Variants in TCAF1 observed in about 807,000 individuals in gnomAD.
TCAF1 encodes TRPM8 channel associated factor 1.
Under a neutral mutation model 27.3 loss-of-function variants are expected in TCAF1, and 4 were observed. The observed-to-expected ratio is 0.15, with a 90% CI of 0.07 to 0.34. The LOEUF (loss-of-function observed/expected upper bound fraction) is 0.34. Ranked by LOEUF, TCAF1 falls within the 10% of genes least tolerant of loss-of-function variation. The probability of loss-of-function intolerance (pLI) is 1.00; values close to 1 mark genes in which losing one functional copy is unlikely to be tolerated. For synonymous variants in TCAF1, 105 were observed against 167.1 expected, an observed-to-expected ratio of 0.63 and a Z score of 2.87; for missense variants, 257 against 425.8, an observed-to-expected ratio of 0.60 and a Z score of 3.49.
At chr7:143,859,798 T>C (rs1417314053) in intron 6 of TCAF1, among the ~76,000 whole-genome samples, 1 of 149,490 alleles carries the variant, frequency 6.7e-6, no homozygotes, top group East Asian at 2.0e-4. Context: ...CCCTGATGAA[T>C]ACCTGTGAAA....
intron 1 of TCAF1, among the ~76,000 whole-genome samples, chr7:143,891,860 C>T (rs2116853126): frequency 6.6e-6 from 1 of 152,148 alleles, no homozygotes; most frequent in South Asian, 2.1e-4. Flanking sequence ...TAGAGAAAAT[C>T]TGAAAAGCAG....
At position 143,901,709 on chromosome 7, in the gene TCAF1, C is replaced by CA; in HGVS notation, c.-15+251dup. ...CAGATCTTAATGGCTCCTTGCGGAG[C>CA]AAAAAACAAATCCTACGAAAATAGG... On this transcript the variant is annotated intron_variant, in intron 1 of 8. Transcript: ENST00000479870. Among the ~76,000 whole-genome samples, 6 of 152,258 alleles carry CA rather than the reference C, an allele frequency of 3.9e-5. 1 individual carries two copies. In the East Asian group the frequency reaches 9.7e-4, roughly 25 times the overall value.
chr7:143,898,755 A>G (rs1005431162), intron 1 of TCAF1, among the ~76,000 whole-genome samples: 2 of 152,242 alleles, frequency 1.3e-5, no homozygotes, highest in African/African-American at 4.8e-5. Context: ...AAAATAATTT[A>G]TAGAGTGCAA....
At position 143,859,878 on chromosome 7, in the gene TCAF1, TAC is replaced by T. The variant is rs1563210756; in HGVS notation, c.2167+328_2167+329del. Among the ~76,000 whole-genome samples, 175 of 32,624 alleles carry T rather than the reference TAC, an allele frequency of 5.4e-3. 4 individuals carry two copies. Among genetic ancestry groups the T allele is most frequent in the South Asian group, 0.016 (10 of 628 alleles). 21.4% of individuals were successfully genotyped at this position (32,624 alleles called of 152,430 possible). On this transcript the variant is annotated intron_variant, in intron 6 of 8. Coordinates refer to ENST00000479870, the MANE Select transcript of TCAF1 (RefSeq NM_014719.3). ...TGTTTTATATACACATATACATATA[TAC>T]ATATATATAATATATATTATATAAT...
intron 2 of TCAF1, among the ~76,000 whole-genome samples, chr7:143,867,849 G>A (rs1812252389): frequency 1.3e-5 from 1 of 78,138 alleles, no homozygotes; most frequent in African/African-American, 4.4e-5. Context: ...TTTTCCATAA[G>A]GGTATCCAGT....
Position 143,876,484 on chromosome 7 carries a change from T to C in TCAF1, c.125A>G (p.Asn42Ser). The change falls in exon 2 of 9, where the codon AAT (asparagine) becomes AGT (serine). Residue 42 changes from asparagine to serine, a missense_variant. By Grantham distance (46) the Asn-to-Ser change is conservative. This residue lies in a region of TCAF1 where 255 missense variants were observed against 260.1 expected (regional missense o/e 0.98). Coordinates refer to ENST00000479870, the MANE Select transcript of TCAF1 (RefSeq NM_014719.3). ...IGEASFPVMV[N>S]DMGQVLIAAS... ...AGCAATGAGGACCTGGCCCATGTCATTCACCATCACAGGAAATGAAGCCTC... is the reference window on the plus strand; with the variant it reads ...AGCAATGAGGACCTGGCCCATGTCACTCACCATCACAGGAAATGAAGCCTC... The C allele has an allele frequency of 6.3e-7, 1 of 1,595,970 alleles. No homozygotes were observed. Among genetic ancestry groups the C allele is most frequent in the Non-Finnish European group, 8.5e-7 (1 of 1,172,910 alleles).
At chr7:143,882,660 C>A (rs922683330) in intron 1 of TCAF1, 3 of 985,138 alleles carry the variant, frequency 3.0e-6, no homozygotes, top group Non-Finnish European at 3.6e-6. Flanking sequence ...TGCCCTCCCC[C>A]CCGCAGCACC....
chr7:143,885,184 C>T, intron 1 of TCAF1: 1 of 985,492 alleles, frequency 1.0e-6, no homozygotes, highest in Non-Finnish European at 1.2e-6. Context: ...GTCTGGTCCC[C>T]GAAACCAGCT....
intron 1 of TCAF1, 90 bp downstream of exon 1, chr7:143,901,871 G>C (rs916767662): frequency 6.6e-6 from 1 of 152,116 alleles, no homozygotes; most frequent in Non-Finnish European, 1.5e-5. Context: ...TATCACCTGG[G>C]GGCGCGCGCA....
chr7:143,886,255 G>T (rs894841302), intron 1 of TCAF1, among the ~76,000 whole-genome samples: 16 of 152,110 alleles, frequency 1.1e-4, no homozygotes, highest in African/African-American at 3.9e-4. Context: ...CCTGGCCCCT[G>T]TTTGCTGGGT....
At chr7:143,878,448 C>T (rs1240059369) in intron 1 of TCAF1, among the ~76,000 whole-genome samples, 1 of 152,136 alleles carries the variant, frequency 6.6e-6, no homozygotes, top group Non-Finnish European at 1.5e-5. Flanking sequence ...AGGCTGTGGG[C>T]CTTCCACAAG....
intron 6 of TCAF1, among the ~76,000 whole-genome samples, chr7:143,859,986 T>TAATATATATTACGG (rs1811879168): frequency 4.0e-5 from 1 of 24,698 alleles, no homozygotes; most frequent in African/African-American, 9.1e-5. Context: ...ATATATTATA[T>TAATATATATTACGG]AATATATATT....
At chr7:143,877,920 T>C (rs749511927) in intron 1 of TCAF1, among the ~76,000 whole-genome samples, 6 of 152,200 alleles carry the variant, frequency 3.9e-5, no homozygotes, top group Non-Finnish European at 7.3e-5. Flanking sequence ...TTACTACTTG[T>C]CTATCTCCCT....
chr7:143,884,862 A>G (rs1311492381), intron 1 of TCAF1: 1 of 372,350 alleles, frequency 2.7e-6, no homozygotes. Context: ...TCATAATAAA[A>G]TAAAATATGT....
chr7:143,900,587 G>A (rs775521439), intron 1 of TCAF1, among the ~76,000 whole-genome samples: 2 of 152,116 alleles, frequency 1.3e-5, no homozygotes, highest in African/African-American at 4.8e-5. Flanking sequence ...CAGCTTGTGA[G>A]AGACCCTGAG....
At chr7:143,900,278 C>G (rs1039626405) in intron 1 of TCAF1, among the ~76,000 whole-genome samples, 1 of 152,092 alleles carries the variant, frequency 6.6e-6, no homozygotes, top group Non-Finnish European at 1.5e-5. Flanking sequence ...TAGGGACTCA[C>G]TTCTAATGAA....
At chr7:143,861,380 A>AG in intron 4 of TCAF1, 72 bp from the exon 5 acceptor site, 1 of 35,106 alleles carries the variant, frequency 2.8e-5, no homozygotes, top group Non-Finnish European at 5.1e-5. Flanking sequence ...GAGCCCAGCA[A>AG]GGGACTCAGG....
intron 1 of TCAF1, among the ~76,000 whole-genome samples, chr7:143,878,376 C>T (rs1322028532): frequency 1.3e-5 from 2 of 152,100 alleles, no homozygotes; most frequent in African/African-American, 4.8e-5. Flanking sequence ...AACACTAATG[C>T]TAATTACTAT....
chr7:143,893,749 G>A (rs895367547), intron 1 of TCAF1, among the ~76,000 whole-genome samples: 3 of 151,572 alleles, frequency 2.0e-5, no homozygotes, highest in African/African-American at 4.8e-5. Context: ...TTTGCAGGAG[G>A]CAGCAAAAGC....
Sources: gnomAD v4.1 joint callset for allele counts (sites outside exome capture counted in the v4.1 genomes callset) on GRCh38, gnomAD v4.1.1 for gene constraint, gnomAD v4.1.1 regional missense constraint, MANE v1.5 for transcripts, NCBI Gene and HGNC (gene_info 2026-07-23, HGNC 2026-07-21) for gene names.